Variants in RICTOR observed in about 807,000 individuals in gnomAD.
The protein encoded by RICTOR is rapamycin-insensitive companion of mTOR.
In RICTOR, 49 loss-of-function variants were observed where a neutral mutation model predicts 214.9. The ratio of observed to expected loss-of-function variants is 0.23; its 90% CI spans 0.18 to 0.29. The LOEUF (loss-of-function observed/expected upper bound fraction) is 0.29. Among genes scored for constraint, RICTOR ranks in the 10% least tolerant of loss-of-function variants. RICTOR has a pLI of 1.00. For synonymous variants in RICTOR, 717 were observed against 711.3 expected, an observed-to-expected ratio of 1.01 and a Z score of -0.13; for missense variants, 1,625 against 2,047.0, an observed-to-expected ratio of 0.79 and a Z score of 3.98.
chr5:38,996,467 TC>T (rs1360689475), intron 6 of RICTOR, among the ~76,000 whole-genome samples: 1 of 152,210 alleles, frequency 6.6e-6, no homozygotes, highest in East Asian at 1.9e-4. Flanking sequence ...TACTATTAAC[TC>T]TAAGTATGCA....
chr5:38,966,751 T>C (rs759573855), intron 14 of RICTOR, 30 bp from the exon 15 acceptor site: 7 of 1,175,224 alleles, frequency 6.0e-6, no homozygotes, highest in Non-Finnish European at 8.7e-6. Context: ...ACACCACTGT[T>C]GCAAAATAAT....
At chr5:38,943,503 T>C (rs917361310) in intron 36 of RICTOR, among the ~76,000 whole-genome samples, 3 of 151,914 alleles carry the variant, frequency 2.0e-5, no homozygotes, top group Non-Finnish European at 4.4e-5. Flanking sequence ...CCAATACCTA[T>C]ATCACCCTTA....
At chr5:39,034,625 C>A (rs1035134063) in intron 2 of RICTOR, among the ~76,000 whole-genome samples, 2 of 152,214 alleles carry the variant, frequency 1.3e-5, no homozygotes, top group African/African-American at 4.8e-5. Context: ...CCTAATACTG[C>A]GCTGTTCCAA....
intron 2 of RICTOR, among the ~76,000 whole-genome samples, chr5:39,063,709 C>T (rs143341372): frequency 7.9e-5 from 12 of 152,038 alleles, no homozygotes; most frequent in Admixed American, 2.0e-4. Context: ...GTATGCCTTC[C>T]TCAACCACAA....
rs2112856252 is a variant in RICTOR, at chr5:38,950,455, G to A, written c.3393C>T (p.Ile1131=). ...SSESKTSNRR[I]RTLTEPSVDF... is the part of the protein sequence containing the mutation. ...CAACACTGGGCTCCGTAAGTGTTCT[G>A]ATTCGCCTGTTGCTTGTCTTACTTT... The change falls in exon 31 of 38, where the codon ATC becomes ATT. Residue 1131 remains isoleucine (I), a synonymous_variant. Transcript: ENST00000357387. 7 of 1,613,466 alleles carry A rather than the reference G, an allele frequency of 4.3e-6. No homozygotes were observed. In the South Asian group the frequency reaches 7.7e-5, roughly 18 times the overall value.
intron 3 of RICTOR, among the ~76,000 whole-genome samples, chr5:39,017,648 T>C (rs1325448409): frequency 2.0e-5 from 3 of 152,030 alleles, no homozygotes; most frequent in African/African-American, 7.2e-5. Flanking sequence ...GAAAAATAAA[T>C]GCCTATGTAC....
Position 38,962,323 on chromosome 5 carries a change from C to T in RICTOR, c.1707G>A (p.Gln569=). The change falls in exon 19 of 38, where the codon CAG becomes CAA. Residue 569 remains glutamine, a synonymous_variant. Coordinates refer to ENST00000357387, the MANE Select transcript of RICTOR (RefSeq NM_152756.5). ...NVNLRNYKDE[Q]LHRFVRRLLY... ...AAATAGTTCTTACATACCTGTGTAA[C>T]TGTTCATCTTTATAGTTTCTTAGAT... 1 of 1,421,088 alleles carries T rather than the reference C, an allele frequency of 7.0e-7. No individual in the cohort carries two copies. The highest frequency in any genetic ancestry group is 2.3e-5 in the East Asian group (1 of 43,266). 88.0% of individuals were successfully genotyped at this position (1,421,088 alleles called of 1,614,324 possible).
chr5:38,998,386 C>T lies in RICTOR; in HGVS notation c.393-1504G>A, dbSNP rs141641649. 1.5e-3 allele frequency among the ~76,000 whole-genome samples: 225 copies of T among 152,226 alleles called. 1 individual carries two copies. Among genetic ancestry groups the T allele is most frequent in the African/African-American group, 5.2e-3 (216 of 41,542 alleles). ...TTCTTAATAGAGACAGAGGTTTCGC[C>T]ACATTGGCCAGGCTGGTCTCAAACT... On this transcript the variant is annotated intron_variant, in intron 5 of 37. Transcript: ENST00000357387.
intron 3 of RICTOR, among the ~76,000 whole-genome samples, chr5:39,008,222 A>G (rs1754221793): frequency 6.6e-6 from 1 of 152,100 alleles, no homozygotes; most frequent in Non-Finnish European, 1.5e-5. Context: ...TAACACCAAA[A>G]ATTTTTTTAA....
intron 2 of RICTOR, among the ~76,000 whole-genome samples, chr5:39,028,945 T>C (rs1756068009): frequency 6.6e-6 from 1 of 152,104 alleles, no homozygotes; most frequent in Non-Finnish European, 1.5e-5. Context: ...TACTTATACA[T>C]ACAACATAGA....
chr5:38,964,544 T>C (rs943744693), intron 16 of RICTOR, among the ~76,000 whole-genome samples: 1 of 151,896 alleles, frequency 6.6e-6, no homozygotes, highest in Non-Finnish European at 1.5e-5. Context: ...AGTAATATGA[T>C]AACCATTCTA....
chr5:38,944,179 C>A (rs1747915773), intron 36 of RICTOR: 2 of 531,726 alleles, frequency 3.8e-6, no homozygotes, highest in East Asian at 4.6e-5. Context: ...AGAAGAGTGG[C>A]ATTATTTTAC....
At chr5:39,039,719 C>CTCAT (rs1226037805) in intron 2 of RICTOR, among the ~76,000 whole-genome samples, 23 of 152,200 alleles carry the variant, frequency 1.5e-4, no homozygotes, top group South Asian at 2.1e-4. Flanking sequence ...TGAAAAAGTG[C>CTCAT]TCATCATCAC....
chr5:38,956,708 A>G (rs1749294096), intron 25 of RICTOR, among the ~76,000 whole-genome samples: 2 of 152,058 alleles, frequency 1.3e-5, no homozygotes, highest in Admixed American at 1.3e-4. Context: ...ATTTTATGCT[A>G]TTTTCAAGCA....
chr5:39,002,234 GTAAT>G (rs1365695792), intron 5 of RICTOR, among the ~76,000 whole-genome samples: 1 of 149,642 alleles, frequency 6.7e-6, no homozygotes, highest in African/African-American at 2.5e-5. Flanking sequence ...AGAAGAAAGA[GTAAT>G]TACTGTATAC....
chr5:39,066,440 A>C (rs1395702856), intron 2 of RICTOR, among the ~76,000 whole-genome samples: 1 of 152,194 alleles, frequency 6.6e-6, no homozygotes, highest in Non-Finnish European at 1.5e-5. Context: ...AAATGCCTTG[A>C]AGGCCTTTTC....
chr5:38,986,555 G>C (rs966972192), intron 7 of RICTOR, among the ~76,000 whole-genome samples: 3 of 152,134 alleles, frequency 2.0e-5, no homozygotes, highest in Non-Finnish European at 4.4e-5. Flanking sequence ...TAAATAACAA[G>C]TTCTCCACTT....
Position 39,034,891 on chromosome 5 carries a change from A to G in RICTOR, c.98-13755T>C, listed in dbSNP as rs569651602. On this transcript the variant is annotated intron_variant, in intron 2 of 37. Transcript: ENST00000357387. ...CTCTGTAGGCTCCACCTCTGGGGGC[A>G]GGGCACAGACAAACAAAAGGCAGCA... Among the ~76,000 whole-genome samples, 339 of 152,368 alleles carry G rather than the reference A, an allele frequency of 2.2e-3. 1 individual carries two copies. The highest frequency in any genetic ancestry group is 7.7e-3 in the African/African-American group (320 of 41,592).
chr5:39,040,009 C>T (rs1175859061), intron 2 of RICTOR, among the ~76,000 whole-genome samples: 10 of 152,106 alleles, frequency 6.6e-5, no homozygotes. Context: ...TATAAAGACA[C>T]ATGCACACGT....
Sources: gnomAD v4.1 joint callset for allele counts (sites outside exome capture counted in the v4.1 genomes callset) on GRCh38, gnomAD v4.1.1 for gene constraint, MANE v1.5 for transcripts, NCBI Gene and HGNC (gene_info 2026-07-23, HGNC 2026-07-21) for gene names.